The following SIPA1L1 variants were observed in gnomAD, a reference collection of about 807,000 sequenced individuals.
The protein encoded by SIPA1L1 is signal-induced proliferation-associated 1-like protein 1.
In SIPA1L1, 26 loss-of-function variants were observed where a neutral mutation model predicts 162.7. That is an observed-to-expected ratio of 0.16 (90% CI 0.12 to 0.22). The LOEUF (loss-of-function observed/expected upper bound fraction) is 0.22, where lower values mean the gene tolerates loss of function less well. Among genes scored for constraint, SIPA1L1 ranks in the 10% least tolerant of loss-of-function variants. The pLI, the probability that SIPA1L1 is intolerant of heterozygous loss-of-function variation, is 1.00. For synonymous variants in SIPA1L1, 829 were observed against 837.4 expected (o/e 0.99, Z 0.17); for missense variants, 1,874 against 2,241.0 (o/e 0.84, Z 3.31).
At chr14:71,333,307 A>G (rs2034759701) in intron 2 of SIPA1L1, among the ~76,000 whole-genome samples, 2 of 152,226 alleles carry the variant, frequency 1.3e-5, no homozygotes, top group African/African-American at 4.8e-5. Context: ...AATGCAGAAC[A>G]GTCACACTGA....
intron 4 of SIPA1L1, among the ~76,000 whole-genome samples, chr14:71,532,186 G>T (rs1364562362): frequency 6.6e-6 from 1 of 152,042 alleles, no homozygotes. Context: ...CTTTGTGAAT[G>T]TATTGGTTGT....
At chr14:71,342,069 T>C (rs968178934) in intron 2 of SIPA1L1, among the ~76,000 whole-genome samples, 1 of 152,124 alleles carries the variant, frequency 6.6e-6, no homozygotes, top group Non-Finnish European at 1.5e-5. Context: ...AGTGGTATCA[T>C]CTCTGCTTAC....
At chr14:71,614,034 T>TA (rs964261703) in intron 5 of SIPA1L1, among the ~76,000 whole-genome samples, 4 of 151,550 alleles carry the variant, frequency 2.6e-5, no homozygotes, top group East Asian at 1.9e-4. Context: ...AAACCTCTAC[T>TA]AAAAAAAATA....
At chr14:71,452,149 C>T (rs1017087954) in intron 2 of SIPA1L1, among the ~76,000 whole-genome samples, 1 of 151,972 alleles carries the variant, frequency 6.6e-6, no homozygotes, top group African/African-American at 2.4e-5. Context: ...ATCAGGATAC[C>T]ACCACCATTA....
chr14:71,356,567 C>CAAAAAAAAAAAAAAAAA (rs71105772), intron 2 of SIPA1L1, among the ~76,000 whole-genome samples: 1,984 of 39,136 alleles, frequency 0.051, 745 homozygotes, highest in South Asian at 0.075. Flanking sequence ...CTTGTCTCTA[C>CAAAAAAAAAAAAAAAAA]AAAAAAAAAA....
chr14:71,564,642 C>T (rs1024675798), intron 4 of SIPA1L1, among the ~76,000 whole-genome samples: 2 of 151,990 alleles, frequency 1.3e-5, no homozygotes, highest in African/African-American at 4.8e-5. Context: ...CATGTGCCAC[C>T]ACGCCTGGCT....
At chr14:71,332,743 A>G (rs1376420093) in intron 2 of SIPA1L1, among the ~76,000 whole-genome samples, 1 of 152,130 alleles carries the variant, frequency 6.6e-6, no homozygotes, top group African/African-American at 2.4e-5. Context: ...ATCTTCATTC[A>G]TTCATTCATT....
At chr14:71,523,011 A>C (rs925372535) in intron 3 of SIPA1L1, among the ~76,000 whole-genome samples, 21 of 152,070 alleles carry the variant, frequency 1.4e-4, no homozygotes, top group African/African-American at 5.1e-4. Flanking sequence ...TTTATTTGAG[A>C]AACACTCTGG....
At chr14:71,484,169 C>T (rs931386645) in intron 2 of SIPA1L1, among the ~76,000 whole-genome samples, 2 of 152,052 alleles carry the variant, frequency 1.3e-5, no homozygotes, top group African/African-American at 2.4e-5. Flanking sequence ...CGTGAGTTCT[C>T]ATCACTACAG....
rs1175020999 is a variant in SIPA1L1, at chr14:71,698,994, T to C, written c.3388T>C (p.Ser1130Pro). 1.2e-6 allele frequency: 2 copies of C among 1,614,102 alleles called. No individual in the cohort carries two copies. Among genetic ancestry groups the C allele is most frequent in the African/African-American group, 2.7e-5 (2 of 74,938 alleles). Reference sequence around the variant, plus strand: ...TTGCACATGCAGGCTGTCTCCTGGTTCGGACATCTATGTGACGGTCTCATC... The same window carrying C: ...TTGCACATGCAGGCTGTCTCCTGGTCCGGACATCTATGTGACGGTCTCATC... ...RPLERRLSPG[S>P]DIYVTVSSMA... Residue 1130 changes from serine to proline, a missense_variant, in exon 14 of 24, where the codon TCG becomes CCG. Ser to Pro is a moderately conservative substitution (Grantham distance 74, BLOSUM62 -1). Coordinates refer to ENST00000381232, the MANE Select transcript of SIPA1L1 (RefSeq NM_001386936.1).
intron 12 of SIPA1L1, among the ~76,000 whole-genome samples, chr14:71,684,038 C>A (rs1051931687): frequency 6.6e-6 from 1 of 152,098 alleles, no homozygotes; most frequent in Non-Finnish European, 1.5e-5. Flanking sequence ...TAGAGTGGAG[C>A]CTTGGGCGGA....
At chr14:71,519,771 G>C (rs1733242395) in intron 3 of SIPA1L1, among the ~76,000 whole-genome samples, 2 of 152,130 alleles carry the variant, frequency 1.3e-5, no homozygotes, top group South Asian at 4.1e-4. Context: ...GTTTGAGTGA[G>C]TTATGATCAT....
rs2035821196 is a variant in SIPA1L1, at chr14:71,343,097, A to G, written c.-465+21916A>G. Among the ~76,000 whole-genome samples the G allele has an allele frequency of 2.0e-5, 3 of 152,142 alleles. No homozygotes were observed. The South Asian group carries it at 6.2e-4, about 32-fold the overall frequency. On this transcript the variant is annotated intron_variant, in intron 2 of 23. Coordinates refer to ENST00000381232, the MANE Select transcript of SIPA1L1 (RefSeq NM_001386936.1). ...GTTCTTGGTTTACCATTGCAACAAT[A>G]AATCACCTTGATTGGTTCACCTTGA...
At chr14:71,386,008 A>C (rs529218119) in intron 2 of SIPA1L1, among the ~76,000 whole-genome samples, 2 of 151,914 alleles carry the variant, frequency 1.3e-5, no homozygotes, top group Non-Finnish European at 2.9e-5. Flanking sequence ...TGTTTTCAGA[A>C]TCTAGTGTAT....
intron 5 of SIPA1L1, among the ~76,000 whole-genome samples, chr14:71,602,923 A>T (rs141211258): frequency 3.3e-5 from 5 of 152,352 alleles, no homozygotes; most frequent in Non-Finnish European, 7.4e-5. Flanking sequence ...ATTGTCTTCC[A>T]TGAAACCTGT....
chr14:71,354,638 C>T (rs541566861), intron 2 of SIPA1L1, among the ~76,000 whole-genome samples: 1 of 151,648 alleles, frequency 6.6e-6, no homozygotes, highest in South Asian at 2.1e-4. Flanking sequence ...TCAGAGGACA[C>T]ATATGGTACA....
At chr14:71,702,210 C>T in intron 14 of SIPA1L1, 171 bp from the exon 15 acceptor site, 1 of 631,818 alleles carries the variant, frequency 1.6e-6, no homozygotes, top group Non-Finnish European at 2.8e-6. Flanking sequence ...CCACAACATA[C>T]ACATTTCCAC....
intron 2 of SIPA1L1, among the ~76,000 whole-genome samples, chr14:71,417,382 A>C (rs1446934182): frequency 1.4e-5 from 2 of 140,516 alleles, no homozygotes; most frequent in African/African-American, 5.3e-5. Flanking sequence ...GAGGCAGGAG[A>C]ATGGCGTGAA....
chr14:71,436,593 G>C (rs1300300189), intron 2 of SIPA1L1, among the ~76,000 whole-genome samples: 3 of 151,706 alleles, frequency 2.0e-5, no homozygotes, highest in Non-Finnish European at 2.9e-5. Context: ...TGATTTGATG[G>C]CTTGTTCATG....
Sources: gnomAD v4.1 joint callset for allele counts (sites outside exome capture counted in the v4.1 genomes callset) on GRCh38, gnomAD v4.1.1 for gene constraint, MANE v1.5 for transcripts, NCBI Gene and HGNC (gene_info 2026-07-23, HGNC 2026-07-21) for gene names.